The following RAPGEF3 variants were observed in gnomAD, a reference collection of about 807,000 sequenced individuals.
The protein encoded by RAPGEF3 is 9330170P05Rik.
RAPGEF3 carries 103 observed loss-of-function variants against 129.8 expected under a neutral mutation model. The ratio of observed to expected loss-of-function variants is 0.79; its 90% CI spans 0.68 to 0.93. RAPGEF3 has a LOEUF of 0.93. RAPGEF3 is among the 40% of genes least tolerant of loss of function. The pLI, the probability that RAPGEF3 is intolerant of heterozygous loss-of-function variation, is 0.00. For missense variants in RAPGEF3, 1,117 were observed against 1,207.4 expected, an observed-to-expected ratio of 0.93 and a Z score of 1.11; for synonymous variants, 436 against 482.6, an observed-to-expected ratio of 0.90 and a Z score of 1.26.
chr12:47,750,433 G>C lies in RAPGEF3; in HGVS notation c.672-8C>G, dbSNP rs113200779. The C allele has an allele frequency of 6.2e-7, 1 of 1,611,356 alleles. No individual in the cohort carries two copies. Among genetic ancestry groups the C allele is most frequent in the South Asian group, 1.1e-5 (1 of 90,750 alleles). On this transcript the variant is annotated splice_region_variant and splice_polypyrimidine_tract_variant and intron_variant, in intron 6 of 27. Coordinates refer to ENST00000449771, the MANE Select transcript of RAPGEF3 (RefSeq NM_001098531.4). ...TCCGTGCGCTGACCTGGGCTGCAGG[G>C]ACAGGAGGAATGGGAGCACACTGTG...
chr12:47,748,357 C>A, intron 12 of RAPGEF3, 97 bp downstream of exon 12: 1 of 1,199,244 alleles, frequency 8.3e-7, no homozygotes, highest in Non-Finnish European at 1.2e-6. Flanking sequence ...ACCAATCCAG[C>A]ATTCGGTGAC....
chr12:47,735,437 C>T lies in RAPGEF3; in HGVS notation c.*2130G>A, dbSNP rs1001023889. ...GGAGCCTTTCCCCGCTTTTGGGCCT[C>T]CTGTCCTCTGGGAGTGGCCTGGCCC... On this transcript the variant is annotated 3_prime_UTR_variant, in exon 28 of 28. Transcript: ENST00000449771. The T allele has an allele frequency of 1.3e-5, 2 of 152,416 alleles. No homozygotes were observed. Among genetic ancestry groups the T allele is most frequent in the African/African-American group, 4.8e-5 (2 of 41,566 alleles). The allele number at this position is 152,416 out of a possible 1,614,324, so 9.4% of individuals were successfully genotyped here. A position where few individuals can be genotyped will look rare whatever the true frequency, so the allele number is the denominator to read the frequency against.
chr12:47,742,940 C>G (rs1443833228), intron 18 of RAPGEF3, among the ~76,000 whole-genome samples: 1 of 152,196 alleles, frequency 6.6e-6, no homozygotes, highest in Admixed American at 6.5e-5. Flanking sequence ...TGCTGAGTGA[C>G]TAAACAAATG....
chr12:47,749,387 C>CCCA lies in RAPGEF3; in HGVS notation c.1041+2_1041+3insTGG. 1 of 1,611,886 alleles carries CCCA rather than the reference C, an allele frequency of 6.2e-7. No homozygotes were observed. The highest frequency in any genetic ancestry group is 1.1e-5 in the South Asian group (1 of 91,090). On this transcript the variant is annotated splice_region_variant and intron_variant, in intron 10 of 27. Transcript: ENST00000449771. The surrounding 1 kb of genome is among the most constrained non-coding windows in gnomAD (Gnocchi z 4.5). ...CTGCCCTCCCCAACCCCAGCAGCAG[C>CCCA]ACCTTGATGATACGGTTGAAGTCCT...
rs57675024 is a variant in RAPGEF3 at position 47,751,144 on chromosome 12, A to ACGGGCT, written c.569_574dup (p.Glu190_Pro191dup). The stretch of plus-strand genomic sequence containing the variant: ...CTCCTCCTCCATCTCATGAGTTCTC[A>ACGGGCT]CGGGCTCGGGCTCGGGCCCGGGGAA... On this transcript the variant is annotated inframe_insertion, in exon 6 of 28. Coordinates refer to ENST00000449771, the MANE Select transcript of RAPGEF3 (RefSeq NM_001098531.4). The ACGGGCT allele has an allele frequency of 8.0e-4, 1,250 of 1,563,386 alleles. 11 individuals are homozygous for ACGGGCT. In the African/African-American group the frequency reaches 0.014, roughly 17 times the overall value.
At chr12:47,747,026 G>A in intron 15 of RAPGEF3, 127 bp from the exon 16 acceptor site, 1 of 878,988 alleles carries the variant, frequency 1.1e-6, no homozygotes, top group Non-Finnish European at 1.8e-6. Context: ...GACCAGGTAA[G>A]TATCACATAA....
intron 16 of RAPGEF3, chr12:47,745,420 A>G (rs1941373527): frequency 6.6e-6 from 1 of 152,020 alleles, no homozygotes; most frequent in Admixed American, 6.5e-5. Flanking sequence ...CAAAGATCAG[A>G]CCCCTGTCCT....
In RAPGEF3 at chr12:47,748,102, C is replaced by A. The variant is rs148472439; in HGVS notation, c.1294G>T (p.Ala432Ser). ...LLTHRVFMPS[A>S]QLCAALLHHF... is the part of the protein sequence containing the mutation. Reference sequence around the variant, plus strand: ...TGCAGAAGGGCAGCGCAGAGTTGGGCGCTGGGCATGAAGACCCTGTGGGTC... The same window carrying A: ...TGCAGAAGGGCAGCGCAGAGTTGGGAGCTGGGCATGAAGACCCTGTGGGTC... The change falls in exon 13 of 28, where the codon GCC (alanine) becomes TCC (serine). Residue 432 changes from alanine to serine, a missense_variant. Ala to Ser is a moderately conservative substitution (Grantham distance 99). Coordinates refer to ENST00000449771, the MANE Select transcript of RAPGEF3 (RefSeq NM_001098531.4). The A allele has an allele frequency of 1.3e-6, 2 of 1,588,746 alleles. No individual in the cohort carries two copies. Among genetic ancestry groups the A allele is most frequent in the Non-Finnish European group, 1.7e-6 (2 of 1,167,230 alleles).
At position 47,749,533 on chromosome 12, in the gene RAPGEF3, G is replaced by A. The variant is rs1941618232; in HGVS notation, c.898C>T (p.Leu300=). The A allele has an allele frequency of 4.4e-6, 7 of 1,608,568 alleles. No individual in the cohort carries two copies. The highest frequency in any genetic ancestry group is 5.9e-6 in the Non-Finnish European group (7 of 1,179,876). ...TCTCCCTCATGCAGGGTGGTCACCA[G>A]CCCCTGCAGCCAGGCCTCAGTCTCA... ...SVNVVTHGKG[L]VTTLHEGDDF... is the part of the protein sequence containing the mutation. The change falls in exon 10 of 28, where the codon CTG becomes TTG. Residue 300 remains leucine, a synonymous_variant. Transcript: ENST00000449771. This position sits in a 1 kb window ranked among gnomAD's most constrained non-coding sequence, Gnocchi z 4.5.
At position 47,743,647 on chromosome 12, in the gene RAPGEF3, A is replaced by T; in HGVS notation, c.1708T>A (p.Ser570Thr). ...VPYDICRPDHSVLTLQLPVTA... is the reference protein window; with the variant it reads ...VPYDICRPDHTVLTLQLPVTA... Reference sequence around the variant, plus strand: ...ACAGGCAGCTGCAGGGTCAACACTGAGTGGTCTGGCCGGCAGATGTCATAG... The same window carrying T: ...ACAGGCAGCTGCAGGGTCAACACTGTGTGGTCTGGCCGGCAGATGTCATAG... Residue 570 changes from serine (S) to threonine (T), a missense_variant, in exon 18 of 28, where the codon TCA becomes ACA. By Grantham distance (58) the Ser-to-Thr change is moderately conservative. Coordinates refer to ENST00000449771, the MANE Select transcript of RAPGEF3 (RefSeq NM_001098531.4). 6.2e-7 allele frequency: 1 copy of T among 1,611,592 alleles called. No homozygotes were observed. The highest frequency in any genetic ancestry group is 8.5e-7 in the Non-Finnish European group (1 of 1,177,958).
At position 47,749,367 on chromosome 12, in the gene RAPGEF3, C is replaced by G; in HGVS notation, c.1041+23G>C. The G allele has an allele frequency of 6.2e-7, 1 of 1,610,158 alleles. No homozygotes were observed. The highest frequency in any genetic ancestry group is 8.5e-7 in the Non-Finnish European group (1 of 1,179,948). On this transcript the variant is annotated intron_variant, in intron 10 of 27. Coordinates refer to ENST00000449771, the MANE Select transcript of RAPGEF3 (RefSeq NM_001098531.4). The surrounding 1 kb of genome is among the most constrained non-coding windows in gnomAD (Gnocchi z 4.5). ...CTTCTCTGGACGAATGGCCCCTGCC[C>G]TCCCCAACCCCAGCAGCAGCACCTT... is the stretch of plus-strand genomic sequence containing the variant.
intron 2 of RAPGEF3, chr12:47,756,056 C>G (rs1592580166): frequency 6.6e-6 from 1 of 152,380 alleles, no homozygotes; most frequent in Non-Finnish European, 1.5e-5. Flanking sequence ...TAAGTTCCCT[C>G]TAGTCACCAA....
At chr12:47,754,157 C>T (rs901116808) in intron 2 of RAPGEF3, 3 of 152,252 alleles carry the variant, frequency 2.0e-5, no homozygotes, top group African/African-American at 7.2e-5. Context: ...TCAATAAGGG[C>T]ACCAGGATTC....
intron 16 of RAPGEF3, chr12:47,745,777 A>G (rs1204302387): frequency 6.6e-6 from 1 of 152,234 alleles, no homozygotes; most frequent in Non-Finnish European, 1.5e-5. Flanking sequence ...CCCACAGGCC[A>G]GGGTTGAATG....
At chr12:47,755,495 A>G (rs1264575636) in intron 2 of RAPGEF3, among the ~76,000 whole-genome samples, 1 of 152,206 alleles carries the variant, frequency 6.6e-6, no homozygotes, top group Non-Finnish European at 1.5e-5. Context: ...TCCCTGAGCT[A>G]GTAGAACCCA....
Position 47,749,946 on chromosome 12 carries a change from G to C in RAPGEF3, c.801C>G (p.Ser267Arg). The change falls in exon 8 of 28, where the codon AGC (serine) becomes AGG (arginine). Residue 267 changes from serine to arginine, a missense_variant. By Grantham distance (110) the Ser-to-Arg change is moderately radical (BLOSUM62 -1). Around this residue, in one of 3 missense-constraint regions of RAPGEF3, gnomAD observed 367 missense variants for 373.4 expected, o/e 0.98. Transcript: ENST00000449771. The surrounding 1 kb of genome is among the most constrained non-coding windows in gnomAD (Gnocchi z 4.5). ...LAAVLLFEPHSKAGTVLFSQG... is the reference protein window; with the variant it reads ...LAAVLLFEPHRKAGTVLFSQG... ...TGGACTTACACACGGTCCCTGCCTT[G>C]CTGTGTGGTTCAAAGAGCAGAACAG... The C allele has an allele frequency of 6.2e-7, 1 of 1,614,212 alleles. No individual in the cohort carries two copies. The highest frequency in any genetic ancestry group is 8.5e-7 in the Non-Finnish European group (1 of 1,180,038).
chr12:47,737,912 G>T, intron 27 of RAPGEF3, 110 bp downstream of exon 27: 1 of 1,366,966 alleles, frequency 7.3e-7, no homozygotes, highest in Non-Finnish European at 1.0e-6. Context: ...ATCATGTATG[G>T]AAGGGCCGGG....
At chr12:47,758,109 T>G in intron 1 of RAPGEF3, 31 bp from the exon 2 acceptor site, 1 of 1,544,750 alleles carries the variant, frequency 6.5e-7, no homozygotes, top group Non-Finnish European at 8.7e-7. Flanking sequence ...TGGACAGCCA[T>G]GGGACACGAC....
Position 47,757,894 on chromosome 12 carries a change from C to A in RAPGEF3, c.191G>T (p.Arg64Leu), listed in dbSNP as rs762724728. The A allele has an allele frequency of 1.8e-5, 28 of 1,556,022 alleles. No homozygotes were observed. The highest frequency in any genetic ancestry group is 9.7e-5 in the Admixed American group (5 of 51,614). Reference protein sequence around the residue: ...CSYQLLLEHQRPSCIQGLRWT... With the variant: ...CSYQLLLEHQLPSCIQGLRWT... ...GCGCAGCCCCTGGATGCAGCTCGGA[C>A]GCTGGTGCTCCAGCAGCAGCTGGTA... Residue 64 changes from arginine (R) to leucine (L), a missense_variant, in exon 2 of 28, where the codon CGT becomes CTT. Arg to Leu is a moderately radical substitution (Grantham distance 102). Transcript: ENST00000449771.
Sources: gnomAD v4.1 joint callset for allele counts (sites outside exome capture counted in the v4.1 genomes callset) on GRCh38, gnomAD v4.1.1 for gene constraint, gnomAD v4.1.1 regional missense constraint, Gnocchi (gnomAD v3.1) non-coding constraint, MANE v1.5 for transcripts, NCBI Gene and HGNC (gene_info 2026-07-23, HGNC 2026-07-21) for gene names.